The following ITGA9 variants were observed in gnomAD, a reference collection of about 807,000 sequenced individuals.
ITGA9 encodes integrin subunit alpha 9.
In ITGA9, 56 loss-of-function variants were observed where a neutral mutation model predicts 127.8. The ratio of observed to expected loss-of-function variants is 0.44; its 90% CI spans 0.35 to 0.55. ITGA9 has a LOEUF of 0.55. ITGA9 is among the 20% of genes least tolerant of loss of function. The pLI, the probability that ITGA9 is intolerant of heterozygous loss-of-function variation, is 0.00. For missense variants in ITGA9, 1,196 were observed against 1,347.1 expected (o/e 0.89, Z 1.76); for synonymous variants, 508 against 514.5 (o/e 0.99, Z 0.17).
intron 2 of ITGA9, 142 bp from the exon 3 acceptor site, chr3:37,473,212 C>A: frequency 6.6e-5 from 26 of 395,292 alleles, no homozygotes; most frequent in Admixed American, 1.4e-4. Flanking sequence ...CTGGATTAAA[C>A]AGTATAGTAC....
chr3:37,648,091 G>A (rs1480093281), intron 16 of ITGA9, among the ~76,000 whole-genome samples: 1 of 151,686 alleles, frequency 6.6e-6, no homozygotes, highest in African/African-American at 2.4e-5. Flanking sequence ...TTTTTTTTGA[G>A]GAACCTCCAT....
At chr3:37,530,243 G>A (rs1179326283) in intron 13 of ITGA9, among the ~76,000 whole-genome samples, 2 of 152,250 alleles carry the variant, frequency 1.3e-5, no homozygotes, top group Admixed American at 1.3e-4. Flanking sequence ...GCATCAGCTG[G>A]CTATGTTAAG....
At chr3:37,652,797 A>T (rs1700442105) in intron 16 of ITGA9, among the ~76,000 whole-genome samples, 1 of 152,228 alleles carries the variant, frequency 6.6e-6, no homozygotes, top group Admixed American at 6.5e-5. Context: ...AAATGAGCAA[A>T]GCCATCTAAC....
chr3:37,714,927 A>T (rs1168747822), intron 18 of ITGA9, among the ~76,000 whole-genome samples: 1 of 152,162 alleles, frequency 6.6e-6, no homozygotes, highest in Non-Finnish European at 1.5e-5. Flanking sequence ...TCACTCTACC[A>T]TATATAGCTG....
chr3:37,705,247 A>T (rs1700991831), intron 18 of ITGA9, among the ~76,000 whole-genome samples: 1 of 152,200 alleles, frequency 6.6e-6, no homozygotes, highest in African/African-American at 2.4e-5. Flanking sequence ...AAAATAGAGG[A>T]TTTTTAATGG....
At chr3:37,811,323 T>G (rs1474528672) in intron 27 of ITGA9, among the ~76,000 whole-genome samples, 5 of 152,214 alleles carry the variant, frequency 3.3e-5, no homozygotes, top group Non-Finnish European at 7.3e-5. Flanking sequence ...GCCTGGCATC[T>G]CTTCAAGACA....
At chr3:37,573,953 G>A (rs1216517765) in intron 15 of ITGA9, among the ~76,000 whole-genome samples, 1 of 152,024 alleles carries the variant, frequency 6.6e-6, no homozygotes, top group African/African-American at 2.4e-5. Context: ...CACTTCACAT[G>A]GGAATCCTAG....
intron 18 of ITGA9, among the ~76,000 whole-genome samples, chr3:37,715,502 A>G (rs770640617): frequency 2.6e-5 from 4 of 152,232 alleles, no homozygotes; most frequent in Non-Finnish European, 5.9e-5. Context: ...CTCTGCCCTC[A>G]TTCCCTGGAG....
intron 25 of ITGA9, among the ~76,000 whole-genome samples, chr3:37,783,703 T>C (rs114850052): frequency 2.4e-4 from 37 of 152,338 alleles, no homozygotes; most frequent in Admixed American, 1.1e-3. Context: ...CCCAACTTTA[T>C]AAAACTGTTA....
At chr3:37,639,536 G>A (rs1214066045) in intron 16 of ITGA9, among the ~76,000 whole-genome samples, 1 of 152,188 alleles carries the variant, frequency 6.6e-6, no homozygotes, top group Non-Finnish European at 1.5e-5. Context: ...TGAGGGAAAG[G>A]GGAGAGGCCA....
chr3:37,624,181 CT>C (rs1700154541), intron 15 of ITGA9, among the ~76,000 whole-genome samples: 1 of 136,858 alleles, frequency 7.3e-6, no homozygotes, highest in South Asian at 2.4e-4. Context: ...TGCTGGTTAG[CT>C]AAGGAAGAAA....
At chr3:37,667,398 C>T (rs1349208958) in intron 17 of ITGA9, among the ~76,000 whole-genome samples, 1 of 152,166 alleles carries the variant, frequency 6.6e-6, no homozygotes, top group South Asian at 2.1e-4. Context: ...ACCTATGAAC[C>T]ATGTATAGGG....
At chr3:37,817,205 C>T (rs1232530174) in intron 27 of ITGA9, among the ~76,000 whole-genome samples, 5 of 152,168 alleles carry the variant, frequency 3.3e-5, no homozygotes, top group Non-Finnish European at 5.9e-5. Context: ...GTTTGCTTCA[C>T]GATTTGTGTA....
chr3:37,789,580 T>C (rs1415073782), intron 26 of ITGA9, among the ~76,000 whole-genome samples: 3 of 145,586 alleles, frequency 2.1e-5, no homozygotes, highest in Non-Finnish European at 4.5e-5. Context: ...TAACGTGGTG[T>C]AACCCTGTCT....
At chr3:37,653,365 T>C (rs1443958533) in intron 16 of ITGA9, among the ~76,000 whole-genome samples, 3 of 152,178 alleles carry the variant, frequency 2.0e-5, no homozygotes, top group Admixed American at 2.0e-4. Flanking sequence ...TGGATTATCA[T>C]TCATCTAAGA....
At chr3:37,715,166 A>G (rs1222962902) in intron 18 of ITGA9, among the ~76,000 whole-genome samples, 1 of 152,190 alleles carries the variant, frequency 6.6e-6, no homozygotes, top group East Asian at 1.9e-4. Flanking sequence ...GTGGCTTTGG[A>G]CAGCTTGAGA....
chr3:37,531,554 C>T (rs1156389470), intron 13 of ITGA9, among the ~76,000 whole-genome samples: 6 of 152,054 alleles, frequency 3.9e-5, no homozygotes, highest in Non-Finnish European at 8.8e-5. Flanking sequence ...GAGGAGGATT[C>T]GGCCTCCTCC....
At chr3:37,632,710 A>C (rs1181447445) in intron 16 of ITGA9, among the ~76,000 whole-genome samples, 2 of 152,216 alleles carry the variant, frequency 1.3e-5, no homozygotes, top group Non-Finnish European at 2.9e-5. Flanking sequence ...AGGGCAAAGA[A>C]TGCAGGAATG....
chr3:37,688,155 A>G (rs1020663106), intron 18 of ITGA9, among the ~76,000 whole-genome samples: 2 of 152,230 alleles, frequency 1.3e-5, no homozygotes, highest in African/African-American at 4.8e-5. Context: ...CAACTCAGGC[A>G]GAAAGATGTG....
Sources: allele counts gnomAD v4.1 joint callset (sites outside exome capture counted in the v4.1 genomes callset), GRCh38; gene constraint gnomAD v4.1.1; transcripts MANE v1.5; gene names NCBI Gene and HGNC (gene_info 2026-07-23, HGNC 2026-07-21).